Variants in PISD observed in about 807,000 individuals in gnomAD.
The protein encoded by PISD is phosphatidylserine decarboxylase.
Under a neutral mutation model 43.5 loss-of-function variants are expected in PISD, and 31 were observed. The ratio of observed to expected loss-of-function variants is 0.71; its 90% CI spans 0.54 to 0.96. The LOEUF (loss-of-function observed/expected upper bound fraction) is 0.96. Among genes scored for constraint, PISD ranks in the 40% least tolerant of loss-of-function variants. The pLI is 0.00. For missense variants in PISD, 523 were observed against 548.4 expected (o/e 0.95, Z 0.46); for synonymous variants, 259 against 228.7 (o/e 1.13, Z -1.20).
rs185522411 is a variant in PISD, at chr22:31,648,292, G to C, written c.146-16C>G. On this transcript the variant is annotated splice_polypyrimidine_tract_variant and intron_variant, in intron 2 of 7. Coordinates refer to ENST00000439502, the MANE Select transcript of PISD (RefSeq NM_001326411.2). Reference sequence around the variant, plus strand: ...TTTCTGGCATCTGTAATAAAAAACAGGACAATTTCAAGCCTGAGAGACAGG... The same window carrying C: ...TTTCTGGCATCTGTAATAAAAAACACGACAATTTCAAGCCTGAGAGACAGG... 4 of 1,589,476 alleles carry C rather than the reference G, an allele frequency of 2.5e-6. No homozygotes were observed. The East Asian group carries it at 9.1e-5, about 36-fold the overall frequency.
chr22:31,634,313 C>T (rs1420224890), intron 3 of PISD, among the ~76,000 whole-genome samples: 2 of 152,228 alleles, frequency 1.3e-5, no homozygotes, highest in Non-Finnish European at 2.9e-5. Flanking sequence ...GCCTCCCCAA[C>T]GTCTGGGCAG....
At chr22:31,657,689 A>AT (rs375982705) in intron 1 of PISD, among the ~76,000 whole-genome samples, 3 of 149,446 alleles carry the variant, frequency 2.0e-5, no homozygotes, top group South Asian at 2.1e-4. Flanking sequence ...CACCCGGCTA[A>AT]TTTTTTTTTG....
At chr22:31,637,042 C>G (rs1178456950) in intron 3 of PISD, among the ~76,000 whole-genome samples, 2 of 149,696 alleles carry the variant, frequency 1.3e-5, no homozygotes, top group African/African-American at 2.5e-5. Context: ...AATTTCAACA[C>G]TTTGGGAGGC....
At chr22:31,638,992 T>G (rs937256659) in intron 3 of PISD, among the ~76,000 whole-genome samples, 6 of 151,316 alleles carry the variant, frequency 4.0e-5, no homozygotes, top group Non-Finnish European at 7.4e-5. Flanking sequence ...AGCCTGTCTT[T>G]TTTTTCCTTT....
Position 31,657,971 on chromosome 22 carries a change from T to C in PISD, c.65+4173A>G, listed in dbSNP as rs936916685. ...ACAAATAAGTGAGAACATGCAAAGT[T>C]TGTCTTTCTGTTGAGCACTAACTTC... On this transcript the variant is annotated intron_variant, in intron 1 of 7. Coordinates refer to ENST00000439502, the MANE Select transcript of PISD (RefSeq NM_001326411.2). Among the ~76,000 whole-genome samples, 3 of 152,236 alleles carry C rather than the reference T, an allele frequency of 2.0e-5. No individual in the cohort carries two copies. The East Asian group carries it at 5.8e-4, about 29-fold the overall frequency.
At chr22:31,658,265 T>G (rs1438810849) in intron 1 of PISD, among the ~76,000 whole-genome samples, 1 of 152,202 alleles carries the variant, frequency 6.6e-6, no homozygotes, top group Non-Finnish European at 1.5e-5. Flanking sequence ...CCAGTCTGCC[T>G]GTGCAACTCA....
Position 31,619,295 on chromosome 22 carries a change from T to G in PISD, c.*317A>C. 5.0e-5 allele frequency: 15 copies of G among 302,070 alleles called. No individual in the cohort carries two copies. Among genetic ancestry groups the G allele is most frequent in the Admixed American group, 9.2e-5 (2 of 21,634 alleles). The allele number at this position is 302,070 out of a possible 1,614,324, so 18.7% of individuals were successfully genotyped here. On this transcript the variant is annotated 3_prime_UTR_variant, in exon 8 of 8. Coordinates refer to ENST00000439502, the MANE Select transcript of PISD (RefSeq NM_001326411.2). ...AACGACAACCGAGACCAACTGAAGGTTCGGTCAGGAATGCAGGCTCTTCCG... is the reference window on the plus strand; with the variant it reads ...AACGACAACCGAGACCAACTGAAGGGTCGGTCAGGAATGCAGGCTCTTCCG...
At chr22:31,658,638 C>T (rs2074241451) in intron 1 of PISD, among the ~76,000 whole-genome samples, 1 of 152,116 alleles carries the variant, frequency 6.6e-6, no homozygotes, top group African/African-American at 2.4e-5. Context: ...CAGCCTCGAC[C>T]TCCTGGGCAC....
chr22:31,650,249 C>A (rs753303831), intron 2 of PISD, among the ~76,000 whole-genome samples: 1 of 152,020 alleles, frequency 6.6e-6, no homozygotes, highest in Non-Finnish European at 1.5e-5. Context: ...AGGCCAAGGT[C>A]GGCAGATCAC....
At chr22:31,637,236 G>A (rs1444928154) in intron 3 of PISD, among the ~76,000 whole-genome samples, 4 of 130,370 alleles carry the variant, frequency 3.1e-5, no homozygotes, top group Admixed American at 2.4e-4. Context: ...GGTGGTGCAC[G>A]CCAGTAATTC....
At chr22:31,635,294 G>A (rs1331840280) in intron 3 of PISD, among the ~76,000 whole-genome samples, 4 of 152,124 alleles carry the variant, frequency 2.6e-5, no homozygotes, top group African/African-American at 9.7e-5. Context: ...GTTTAGCCTT[G>A]TGTTTAAGTT....
At chr22:31,626,048 C>T (rs1228388545) in intron 3 of PISD, 24 of 1,424,122 alleles carry the variant, frequency 1.7e-5, no homozygotes, top group Non-Finnish European at 2.0e-5. Context: ...TGGTCACACA[C>T]CTGCTCAGGT....
intron 3 of PISD, chr22:31,638,454 G>A (rs2073582660): frequency 1.7e-5 from 17 of 984,562 alleles, no homozygotes; most frequent in Non-Finnish European, 1.8e-5. Flanking sequence ...GGGGGATGAA[G>A]TGGGGAAGTG....
chr22:31,646,222 C>A (rs143323643), intron 3 of PISD, among the ~76,000 whole-genome samples: 1 of 152,224 alleles, frequency 6.6e-6, no homozygotes, highest in African/African-American at 2.4e-5. Context: ...CAGAGCAAGA[C>A]CTCATATCTA....
chr22:31,662,311 G>C (rs1190959713), upstream of PISD: 21 of 1,225,208 alleles, frequency 1.7e-5, no homozygotes, highest in Admixed American at 3.6e-4. Flanking sequence ...AAAAGCGCGG[G>C]TTGGGGGCGG....
At chr22:31,620,849 C>T in intron 6 of PISD, 136 bp from the exon 7 acceptor site, 1 of 1,383,576 alleles carries the variant, frequency 7.2e-7, no homozygotes, top group African/African-American at 1.4e-5. Context: ...GCCCCACGGT[C>T]CCCTGCCCAC....
chr22:31,645,625 G>C (rs572318127), intron 3 of PISD, among the ~76,000 whole-genome samples: 1 of 144,880 alleles, frequency 6.9e-6, no homozygotes, highest in Non-Finnish European at 1.5e-5. Context: ...TGATCCACCC[G>C]CCTCAGCCTC....
intron 1 of PISD, among the ~76,000 whole-genome samples, chr22:31,660,394 T>C (rs1241171376): frequency 6.6e-6 from 1 of 152,190 alleles, no homozygotes; most frequent in Non-Finnish European, 1.5e-5. Context: ...GGCTCACTTC[T>C]GTAATGCCAG....
Position 31,632,213 on chromosome 22 carries a change from CA to C in PISD, c.322-10329del, listed in dbSNP as rs1009554530. 5.1e-5 allele frequency: 50 copies of C among 985,204 alleles called. No individual in the cohort carries two copies. The African/African-American group carries it at 8.4e-4, about 17-fold the overall frequency. 61.0% of individuals were successfully genotyped at this position (985,204 alleles called of 1,614,324 possible). ...TCCAGCCCAAGCAAGTGCCACATGA[CA>C]AGCCACAGCCCTGGGATGCGGCAGG... On this transcript the variant is annotated intron_variant, in intron 3 of 7. Coordinates refer to ENST00000439502, the MANE Select transcript of PISD (RefSeq NM_001326411.2).
Sources: allele counts gnomAD v4.1 joint callset (sites outside exome capture counted in the v4.1 genomes callset), GRCh38; gene constraint gnomAD v4.1.1; transcripts MANE v1.5; gene names NCBI Gene and HGNC (gene_info 2026-07-23, HGNC 2026-07-21).